CADM2: variants seen among roughly 807,000 people sequenced by gnomAD.
CADM2 encodes the protein cell adhesion molecule 2.
Under a neutral mutation model 49.8 loss-of-function variants are expected in CADM2, and 12 were observed. The ratio of observed to expected loss-of-function variants is 0.24; its 90% CI spans 0.15 to 0.39. CADM2 has a LOEUF of 0.39. Ranked by LOEUF, CADM2 falls within the 10% of genes least tolerant of loss-of-function variation. CADM2 has a pLI of 1.00. For synonymous variants in CADM2, 214 were observed against 175.4 expected (o/e 1.22, Z -1.74); for missense variants, 378 against 492.3 (o/e 0.77, Z 2.20).
intron 1 of CADM2, among the ~76,000 whole-genome samples, chr3:85,048,211 AT>A (rs1407831695): frequency 6.6e-6 from 1 of 152,148 alleles, no homozygotes; most frequent in African/African-American, 2.4e-5. Context: ...TAGGAGAGTG[AT>A]TTGTTTTGTT....
At chr3:85,402,474 C>T (rs1430843969) in intron 1 of CADM2, among the ~76,000 whole-genome samples, 2 of 151,868 alleles carry the variant, frequency 1.3e-5, no homozygotes, top group African/African-American at 2.4e-5. Context: ...GTTTATTTTA[C>T]TCTGTAGAAT....
At chr3:85,238,876 A>G (rs1444207423) in intron 1 of CADM2, among the ~76,000 whole-genome samples, 1 of 151,860 alleles carries the variant, frequency 6.6e-6, no homozygotes, top group Admixed American at 6.6e-5. Flanking sequence ...CCTGTGTATA[A>G]AATGAAATAT....
At chr3:85,437,802 C>T (rs2037002591) in intron 1 of CADM2, among the ~76,000 whole-genome samples, 1 of 151,898 alleles carries the variant, frequency 6.6e-6, no homozygotes, top group Non-Finnish European at 1.5e-5. Context: ...AAATATAAAA[C>T]TCCATCAGAA....
intron 8 of CADM2, among the ~76,000 whole-genome samples, chr3:86,016,216 A>T (rs993715490): frequency 2.6e-5 from 4 of 152,142 alleles, no homozygotes; most frequent in Admixed American, 6.5e-5. Context: ...AGGGTGAAAC[A>T]AGTAAACAGA....
intron 1 of CADM2, among the ~76,000 whole-genome samples, chr3:85,191,482 C>T (rs376851237): frequency 6.6e-6 from 1 of 151,446 alleles, no homozygotes; most frequent in Admixed American, 6.6e-5. Flanking sequence ...TGTTATAATC[C>T]CCACTTTTAG....
intron 8 of CADM2, among the ~76,000 whole-genome samples, chr3:86,010,016 G>A (rs1192938496): frequency 6.6e-6 from 1 of 151,590 alleles, no homozygotes; most frequent in Non-Finnish European, 1.5e-5. Context: ...TTCCTTCTAG[G>A]CCTACCTGGA....
chr3:85,121,719 C>A (rs1208221315), intron 1 of CADM2, among the ~76,000 whole-genome samples: 1 of 152,114 alleles, frequency 6.6e-6, no homozygotes, highest in African/African-American at 2.4e-5. Context: ...CTTCATTCAT[C>A]AGTAATATTA....
chr3:85,847,632 A>G (rs949656663), intron 3 of CADM2, among the ~76,000 whole-genome samples: 3 of 152,176 alleles, frequency 2.0e-5, no homozygotes, highest in African/African-American at 7.2e-5. Flanking sequence ...TAGAGTACCT[A>G]TTAGCACACT....
At chr3:85,400,633 T>C (rs1251726396) in intron 1 of CADM2, among the ~76,000 whole-genome samples, 1 of 152,200 alleles carries the variant, frequency 6.6e-6, no homozygotes, top group African/African-American at 2.4e-5. Context: ...CAGAGCCTGT[T>C]ATTGGTCTAT....
At chr3:85,948,592 C>T (rs1723025165) in intron 7 of CADM2, among the ~76,000 whole-genome samples, 1 of 150,938 alleles carries the variant, frequency 6.6e-6, no homozygotes, top group South Asian at 2.1e-4. Flanking sequence ...AAAATACATC[C>T]TAAAAGAAAT....
intron 1 of CADM2, among the ~76,000 whole-genome samples, chr3:85,252,507 A>G (rs1576215380): frequency 6.6e-6 from 1 of 152,030 alleles, no homozygotes; most frequent in African/African-American, 2.4e-5. Flanking sequence ...TTACTGTATG[A>G]TAACTAAGGC....
Position 85,674,382 on chromosome 3 carries a change from T to C in CADM2, c.62-52140T>C, listed in dbSNP as rs560869241. ...TTTTGTGTTCTGACTGTCTAAAGAA[T>C]GATTTATTTGGTTTTAAATTTGAGC... On this transcript the variant is annotated intron_variant, in intron 1 of 9. Coordinates refer to ENST00000383699, the MANE Select transcript of CADM2 (RefSeq NM_001167675.2). Among the ~76,000 whole-genome samples, 28 of 152,278 alleles carry C rather than the reference T, an allele frequency of 1.8e-4. No homozygotes were observed. The South Asian group carries it at 5.6e-3, about 30-fold the overall frequency.
intron 1 of CADM2, among the ~76,000 whole-genome samples, chr3:84,993,182 C>A (rs17022179): frequency 6.6e-6 from 1 of 151,852 alleles, no homozygotes; most frequent in African/African-American, 2.4e-5. Context: ...TTTATCGGGC[C>A]CAAGTGGGAA....
At chr3:85,702,656 G>T (rs1429549817) in intron 1 of CADM2, among the ~76,000 whole-genome samples, 1 of 152,128 alleles carries the variant, frequency 6.6e-6, no homozygotes, top group Non-Finnish European at 1.5e-5. Flanking sequence ...GTTCATGTAG[G>T]TAAGGTATGA....
chr3:85,391,652 A>G (rs1363638808), intron 1 of CADM2, among the ~76,000 whole-genome samples: 1 of 152,148 alleles, frequency 6.6e-6, no homozygotes, highest in African/African-American at 2.4e-5. Context: ...TATCTTGGCC[A>G]AAGTGCCAAC....
At chr3:85,453,369 T>C (rs2107573023) in intron 1 of CADM2, among the ~76,000 whole-genome samples, 1 of 152,236 alleles carries the variant, frequency 6.6e-6, no homozygotes, top group South Asian at 2.1e-4. Flanking sequence ...TCCTCTGGTG[T>C]ATTAATAGAA....
chr3:85,292,737 T>C (rs367890144), intron 1 of CADM2, among the ~76,000 whole-genome samples: 29 of 152,044 alleles, frequency 1.9e-4, no homozygotes, highest in Non-Finnish European at 3.4e-4. Flanking sequence ...TTCTTTGAAA[T>C]CAACGAGAAC....
At chr3:85,602,988 A>G (rs1203523473) in intron 1 of CADM2, among the ~76,000 whole-genome samples, 1 of 151,784 alleles carries the variant, frequency 6.6e-6, no homozygotes, top group Non-Finnish European at 1.5e-5. Context: ...TTACACAAGC[A>G]GAGTTAAGCA....
intron 1 of CADM2, among the ~76,000 whole-genome samples, chr3:85,661,202 C>G (rs888598797): frequency 2.6e-5 from 4 of 152,124 alleles, no homozygotes; most frequent in Non-Finnish European, 5.9e-5. Flanking sequence ...CATAGGCTTT[C>G]TTTTTTGGTA....
Sources: allele counts gnomAD v4.1 joint callset (sites outside exome capture counted in the v4.1 genomes callset), GRCh38; gene constraint gnomAD v4.1.1; transcripts MANE v1.5; gene names NCBI Gene and HGNC (gene_info 2026-07-23, HGNC 2026-07-21).